RTN1: variants seen among roughly 807,000 people sequenced by gnomAD.
RTN1 encodes reticulon-1.
RTN1 carries 25 observed loss-of-function variants against 65.5 expected under a neutral mutation model. The observed-to-expected ratio is 0.38, with a 90% CI of 0.28 to 0.53. The LOEUF (loss-of-function observed/expected upper bound fraction) is 0.53, where lower values mean the gene tolerates loss of function less well. Ranked by LOEUF, RTN1 falls within the 20% of genes least tolerant of loss-of-function variation. RTN1 has a pLI of 0.79. For synonymous variants in RTN1, 471 were observed against 447.6 expected, an observed-to-expected ratio of 1.05 and a Z score of -0.66; for missense variants, 983 against 1,025.4, an observed-to-expected ratio of 0.96 and a Z score of 0.57.
chr14:59,749,916 C>A (rs1331053613), intron 1 of RTN1, among the ~76,000 whole-genome samples: 1 of 109,042 alleles, frequency 9.2e-6, no homozygotes, highest in Non-Finnish European at 1.7e-5. Flanking sequence ...GGGAATCAAC[C>A]TCTTCCTCCT....
At chr14:59,714,825 G>A (rs927557392) in intron 3 of RTN1, among the ~76,000 whole-genome samples, 3 of 152,240 alleles carry the variant, frequency 2.0e-5, no homozygotes, top group African/African-American at 7.2e-5. Context: ...TCCGTGGTCT[G>A]TTAGGAACTG....
intron 3 of RTN1, among the ~76,000 whole-genome samples, chr14:59,607,780 C>T (rs1385665385): frequency 6.6e-6 from 1 of 151,782 alleles, no homozygotes; most frequent in African/African-American, 2.4e-5. Flanking sequence ...TGGGCTACAC[C>T]ATCCATACAG....
At chr14:59,613,469 T>G (rs1051255902) in intron 3 of RTN1, among the ~76,000 whole-genome samples, 30 of 152,010 alleles carry the variant, frequency 2.0e-4, no homozygotes, top group African/African-American at 6.0e-4. Flanking sequence ...TGCATAATTT[T>G]TTGTATTTGT....
rs181528797 is a variant in RTN1 at position 59,780,290 on chromosome 14, T to G, written c.242-33809A>C. Among the ~76,000 whole-genome samples the G allele has an allele frequency of 2.6e-5, 4 of 152,290 alleles. No homozygotes were observed. The East Asian group carries it at 5.8e-4, about 22-fold the overall frequency. On this transcript the variant is annotated intron_variant, in intron 1 of 8. Transcript: ENST00000267484. Reference sequence around the variant, plus strand: ...TATGGAGGGTTCTCAGGAAATACAATGCTTATACTGAAACCTAACCTTCCT... The same window carrying G: ...TATGGAGGGTTCTCAGGAAATACAAGGCTTATACTGAAACCTAACCTTCCT...
At position 59,859,250 on chromosome 14, in the gene RTN1, G is replaced by A. The variant is rs188199455; in HGVS notation, c.241+11140C>T. ...TGTTGTGGGACAGACCCAGTGGGAG[G>A]TAATTGAATCATGGGGCAGGTCTTT... is the stretch of plus-strand genomic sequence containing the variant. On this transcript the variant is annotated intron_variant, in intron 1 of 8. Coordinates refer to ENST00000267484, the MANE Select transcript of RTN1 (RefSeq NM_021136.3). 5.9e-5 allele frequency among the ~76,000 whole-genome samples: 9 copies of A among 152,334 alleles called. No homozygotes were observed. The East Asian group carries it at 1.5e-3, about 26-fold the overall frequency.
At chr14:59,630,565 G>C (rs1436579493) in intron 3 of RTN1, 1 of 1,607,466 alleles carries the variant, frequency 6.2e-7, no homozygotes, top group Non-Finnish European at 8.5e-7. Flanking sequence ...GTGCACTCAA[G>C]CGTTGGTGCC....
chr14:59,809,236 T>A (rs1323987050), intron 1 of RTN1, among the ~76,000 whole-genome samples: 2 of 152,022 alleles, frequency 1.3e-5, no homozygotes, highest in African/African-American at 4.8e-5. Context: ...ACCAATGAAG[T>A]CTGTTTCTAA....
At chr14:59,603,801 G>GT in intron 6 of RTN1, 51 bp downstream of exon 6, 1 of 1,467,030 alleles carries the variant, frequency 6.8e-7, no homozygotes, top group Non-Finnish European at 9.5e-7. Flanking sequence ...AGGAAGCAGC[G>GT]TTTTCACAGA....
At chr14:59,760,715 G>A (rs1400619759) in intron 1 of RTN1, among the ~76,000 whole-genome samples, 2 of 152,152 alleles carry the variant, frequency 1.3e-5, no homozygotes, top group African/African-American at 4.8e-5. Context: ...CCTGCACTGT[G>A]AGCTCATAGG....
At chr14:59,800,400 T>C (rs948481786) in intron 1 of RTN1, among the ~76,000 whole-genome samples, 1 of 152,152 alleles carries the variant, frequency 6.6e-6, no homozygotes, top group Non-Finnish European at 1.5e-5. Context: ...TTTGTTGTTG[T>C]TGTTTTTGTT....
intron 1 of RTN1, among the ~76,000 whole-genome samples, chr14:59,755,233 C>T (rs1291752993): frequency 6.6e-6 from 1 of 152,078 alleles, no homozygotes; most frequent in East Asian, 1.9e-4. Flanking sequence ...AGAAATGCTC[C>T]ATTAGACAAA....
rs1166632841 is a variant in RTN1, at chr14:59,790,826, A to G, written c.242-44345T>C. On this transcript the variant is annotated intron_variant, in intron 1 of 8. Coordinates refer to ENST00000267484, the MANE Select transcript of RTN1 (RefSeq NM_021136.3). The surrounding 1 kb of genome is among the most constrained non-coding windows in gnomAD (Gnocchi z 4.1). ...ATTGCCTTCTGATGTTTAACTCAGT[A>G]TCTTATGTTTACTGGTTATTTGAAG... Among the ~76,000 whole-genome samples, 1 of 151,984 alleles carries G rather than the reference A, an allele frequency of 6.6e-6. No homozygotes were observed. Among genetic ancestry groups the G allele is most frequent in the Non-Finnish European group, 1.5e-5 (1 of 67,976 alleles).
rs573511205 is a variant in RTN1 at position 59,701,092 on chromosome 14, C to T, written c.1765+25827G>A. The stretch of plus-strand genomic sequence containing the variant: ...ACATTTCTGCAAAGAAGACCAATGG[C>T]TGATAAGCACATAAAAAGATGCTCA... On this transcript the variant is annotated intron_variant, in intron 3 of 8. Transcript: ENST00000267484. Among the ~76,000 whole-genome samples, 3 of 152,206 alleles carry T rather than the reference C, an allele frequency of 2.0e-5. No individual in the cohort carries two copies. In the South Asian group the frequency reaches 6.2e-4, roughly 32 times the overall value.
chr14:59,819,324 C>T (rs559853095), intron 1 of RTN1, among the ~76,000 whole-genome samples: 1 of 145,682 alleles, frequency 6.9e-6, no homozygotes, highest in African/African-American at 2.6e-5. Context: ...CCTTATCTGG[C>T]CCCACCCACA....
In RTN1 at chr14:59,766,047, T is replaced by G. The variant is rs1171886189; in HGVS notation, c.242-19566A>C. ...GGGTTCAAGATCAGCCTGGCCAATATGGTGAAACCCAGTCTCTACTAAAAA... is the reference window on the plus strand; with the variant it reads ...GGGTTCAAGATCAGCCTGGCCAATAGGGTGAAACCCAGTCTCTACTAAAAA... On this transcript the variant is annotated intron_variant, in intron 1 of 8. Transcript: ENST00000267484. This position sits in a 1 kb window ranked among gnomAD's most constrained non-coding sequence, Gnocchi z 4.4. Among the ~76,000 whole-genome samples, 1 of 152,144 alleles carries G rather than the reference T, an allele frequency of 6.6e-6. No homozygotes were observed. Among genetic ancestry groups the G allele is most frequent in the Non-Finnish European group, 1.5e-5 (1 of 68,018 alleles).
chr14:59,845,531 G>A (rs927326), intron 1 of RTN1, among the ~76,000 whole-genome samples: 36,393 of 151,976 alleles, frequency 0.24, 4,595 homozygotes, highest in East Asian at 0.49. Flanking sequence ...ATGCCTCACC[G>A]TATTCTACTC....
intron 1 of RTN1, among the ~76,000 whole-genome samples, chr14:59,785,216 C>T (rs1339563448): frequency 6.6e-6 from 1 of 152,198 alleles, no homozygotes; most frequent in Non-Finnish European, 1.5e-5. Context: ...GACACCTTTT[C>T]CATTCCCAAA....
At chr14:59,677,801 A>G (rs1054318326) in intron 3 of RTN1, among the ~76,000 whole-genome samples, 5 of 152,204 alleles carry the variant, frequency 3.3e-5, no homozygotes, top group African/African-American at 9.6e-5. Context: ...CTCAGGAATC[A>G]TGACCTCATT....
chr14:59,828,310 A>G (rs1203520657), intron 1 of RTN1, among the ~76,000 whole-genome samples: 2 of 152,240 alleles, frequency 1.3e-5, no homozygotes, highest in Non-Finnish European at 2.9e-5. Context: ...ACTATACATC[A>G]TTAGAATGGA....
Sources: allele counts gnomAD v4.1 joint callset (sites outside exome capture counted in the v4.1 genomes callset), GRCh38; gene constraint gnomAD v4.1.1; non-coding constraint Gnocchi (gnomAD v3.1); transcripts MANE v1.5; gene names NCBI Gene and HGNC (gene_info 2026-07-23, HGNC 2026-07-21).